Variants in CHODL observed in about 807,000 individuals in gnomAD.
CHODL encodes the protein chondrolectin, also known as transmembrane protein MT75.
A neutral mutation model predicts 34.5 loss-of-function variants in CHODL; 29 were observed. That is an observed-to-expected ratio of 0.84 (90% confidence interval 0.63 to 1.15). The LOEUF is 1.15. Ranked by LOEUF, CHODL falls within the 50% of genes most tolerant of loss-of-function variation. CHODL has a pLI of 0.00. For synonymous variants in CHODL, 125 were observed against 116.1 expected (o/e 1.08, Z -0.49); for missense variants, 332 against 332.5 (o/e 1.00, Z 0.01).
intron 1 of CHODL, among the ~76,000 whole-genome samples, chr21:17,986,327 C>CA (rs1265583132): frequency 1.9e-4 from 28 of 148,200 alleles, no homozygotes; most frequent in African/African-American, 2.7e-4. Flanking sequence ...CCCCCCACCC[C>CA]TGACAGGCCC....
At chr21:18,220,137 A>G (rs1047379068) in intron 2 of CHODL, among the ~76,000 whole-genome samples, 1 of 152,180 alleles carries the variant, frequency 6.6e-6, no homozygotes, top group Non-Finnish European at 1.5e-5. Flanking sequence ...TTATGTAAGC[A>G]TAACTACTCT....
intron 2 of CHODL, among the ~76,000 whole-genome samples, chr21:18,094,951 C>T (rs2065120978): frequency 6.6e-6 from 1 of 151,780 alleles, no homozygotes; most frequent in Non-Finnish European, 1.5e-5. Context: ...TGGTGAAACC[C>T]CATCTCTACT....
At chr21:17,947,014 A>G (rs1447131732) in intron 1 of CHODL, among the ~76,000 whole-genome samples, 2 of 151,980 alleles carry the variant, frequency 1.3e-5, no homozygotes, top group Non-Finnish European at 2.9e-5. Context: ...ATTTTTGTAT[A>G]TATATTACAG....
In CHODL at chr21:18,202,965, C is replaced by T. The variant is rs1002136495; in HGVS notation, c.-44-53544C>T. Among the ~76,000 whole-genome samples the T allele has an allele frequency of 5.9e-5, 9 of 151,942 alleles. 1 individual carries two copies. Among genetic ancestry groups the T allele is most frequent in the Non-Finnish European group, 1.5e-5 (1 of 67,988 alleles). On this transcript the variant is annotated intron_variant, in intron 2 of 6. Transcript: ENST00000400127. ...AATAATTTAAAAGGAAGATCCATCT[C>T]GAAAAATCTTTGTTAGAGAATGCTG...
rs1209162704 is a variant in CHODL at position 18,167,228 on chromosome 21, T to TGG, written c.-44-89280_-44-89279insGG. 4.9e-3 allele frequency among the ~76,000 whole-genome samples: 730 copies of TGG among 149,138 alleles called. 11 individuals carry two copies. Among genetic ancestry groups the TGG allele is most frequent in the African/African-American group, 0.017 (688 of 40,084 alleles). ...CTCTCTCTCTGTGTGTGTGTGTGTG[T>TGG]GTGTGTGTGTGTGTGTGTGTGTGTG... On this transcript the variant is annotated intron_variant, in intron 2 of 6. Coordinates refer to the CHODL transcript ENST00000400127.
At position 18,260,781 on chromosome 21, in the gene CHODL, C is replaced by T. The variant is rs184521420; in HGVS notation, c.634+495C>T. 2.2e-3 allele frequency among the ~76,000 whole-genome samples: 336 copies of T among 152,212 alleles called. 1 individual carries two copies. Among genetic ancestry groups the T allele is most frequent in the Non-Finnish European group, 4.2e-3 (283 of 68,010 alleles). Reference sequence around the variant, plus strand: ...TGAGCAGTGATCATGCACTACAGTCCAGTTTGGTCAACAAAGTGAGACCCT... The same window carrying T: ...TGAGCAGTGATCATGCACTACAGTCTAGTTTGGTCAACAAAGTGAGACCCT... On this transcript the variant is annotated intron_variant, in intron 4 of 5. Coordinates refer to ENST00000299295, the MANE Select transcript of CHODL (RefSeq NM_024944.3).
chr21:18,101,691 G>C (rs78921208), intron 2 of CHODL, among the ~76,000 whole-genome samples: 2,439 of 149,254 alleles, frequency 0.016, 39 homozygotes, highest in Non-Finnish European at 0.027. Context: ...TTTTCAGTAT[G>C]ACAATCTATT....
chr21:18,180,787 G>A (rs567361583), intron 2 of CHODL, among the ~76,000 whole-genome samples: 25 of 152,238 alleles, frequency 1.6e-4, no homozygotes, highest in African/African-American at 4.1e-4. Flanking sequence ...TAGGAGTTTC[G>A]CATATGGAAT....
intron 1 of CHODL, among the ~76,000 whole-genome samples, chr21:17,990,866 TATTA>T (rs1161595248): frequency 3.3e-5 from 5 of 152,110 alleles, no homozygotes; most frequent in East Asian, 1.9e-4. Flanking sequence ...AACAAATTAT[TATTA>T]ATTAAAGTCA....
In CHODL at chr21:18,256,602, G is replaced by A. The variant is rs751992493; in HGVS notation, c.173G>A (p.Arg58His). The A allele has an allele frequency of 4.3e-6, 7 of 1,613,934 alleles. No homozygotes were observed. Among genetic ancestry groups the A allele is most frequent in the Middle Eastern group, 1.7e-4 (1 of 6,060 alleles). The change falls in exon 2 of 6, where the codon CGC becomes CAC. Residue 58 changes from arginine (R) to histidine (H), a missense_variant. Coordinates refer to ENST00000299295, the MANE Select transcript of CHODL (RefSeq NM_024944.3). ...AGCCGAGTGAGCTTTCAGGAGGCAC[G>A]CCTGGCTTGTGAGAGTGAGGGAGGA... ...LSSRVSFQEA[R>H]LACESEGGVL...
chr21:18,083,014 A>G (rs2064960739), intron 2 of CHODL, among the ~76,000 whole-genome samples: 1 of 152,174 alleles, frequency 6.6e-6, no homozygotes, highest in Admixed American at 6.5e-5. Flanking sequence ...TGCCAAGACA[A>G]TGGAGAAAAT....
At chr21:18,143,304 G>A (rs1162743245) in intron 2 of CHODL, among the ~76,000 whole-genome samples, 1 of 152,054 alleles carries the variant, frequency 6.6e-6, no homozygotes, top group Non-Finnish European at 1.5e-5. Flanking sequence ...CATTTGTGTC[G>A]ATTGATTTGA....
intron 2 of CHODL, among the ~76,000 whole-genome samples, chr21:18,094,801 A>G (rs1292680552): frequency 6.6e-6 from 1 of 151,906 alleles, no homozygotes; most frequent in Non-Finnish European, 1.5e-5. Flanking sequence ...TGGAAAAACA[A>G]GAGGGAACCA....
intron 1 of CHODL, among the ~76,000 whole-genome samples, chr21:17,968,683 GT>G (rs2063591939): frequency 6.6e-6 from 1 of 152,100 alleles, no homozygotes. Flanking sequence ...CAATCACATG[GT>G]GGACACCTGA....
chr21:17,950,719 A>G (rs2063450317), intron 1 of CHODL, among the ~76,000 whole-genome samples: 1 of 152,214 alleles, frequency 6.6e-6, no homozygotes, highest in South Asian at 2.1e-4. Flanking sequence ...AGAGAAACCA[A>G]TCAGCTTTTG....
intron 2 of CHODL, among the ~76,000 whole-genome samples, chr21:18,141,736 A>G (rs2072806142): frequency 6.6e-6 from 1 of 152,022 alleles, no homozygotes; most frequent in Non-Finnish European, 1.5e-5. Context: ...AAAAAAAAAA[A>G]AAAGAAAATG....
At chr21:18,103,932 A>G (rs1413036089) in intron 2 of CHODL, among the ~76,000 whole-genome samples, 1 of 152,110 alleles carries the variant, frequency 6.6e-6, no homozygotes, top group African/African-American at 2.4e-5. Context: ...CTATCACAAT[A>G]CCTCTGAGCT....
At chr21:18,265,933 A>G (rs1332969382) in intron 5 of CHODL, 21 bp from the exon 6 acceptor site, 1 of 1,602,378 alleles carries the variant, frequency 6.2e-7, no homozygotes, top group African/African-American at 1.3e-5. Flanking sequence ...GGCACTAAAC[A>G]TTTTTTCTTA....
chr21:17,996,665 G>A (rs1162146711), intron 1 of CHODL, among the ~76,000 whole-genome samples: 4 of 152,232 alleles, frequency 2.6e-5, no homozygotes, highest in Admixed American at 1.3e-4. Context: ...TGCCAAGGTA[G>A]TAGAGGGGCT....
Sources: allele counts gnomAD v4.1 joint callset (sites outside exome capture counted in the v4.1 genomes callset), GRCh38; gene constraint gnomAD v4.1.1; transcripts MANE v1.5; gene names NCBI Gene and HGNC (gene_info 2026-07-23, HGNC 2026-07-21).